HTR4: variants seen among roughly 807,000 people sequenced by gnomAD.
HTR4 encodes the protein 5-hydroxytryptamine (serotonin) receptor 4, G protein-coupled.
Under a neutral mutation model 36.8 loss-of-function variants are expected in HTR4, and 16 were observed. That is an observed-to-expected ratio of 0.43 (90% CI 0.29 to 0.66). The LOEUF is 0.66. Among genes scored for constraint, HTR4 ranks in the 30% least tolerant of loss-of-function variants. HTR4 has a pLI of 0.13. For missense variants in HTR4, 438 were observed against 490.9 expected, an observed-to-expected ratio of 0.89 and a Z score of 1.02; for synonymous variants, 189 against 185.1, an observed-to-expected ratio of 1.02 and a Z score of -0.17.
chr5:148,550,974 A>AG, intron 2 of HTR4, among the ~76,000 whole-genome samples: 1 of 152,246 alleles, frequency 6.6e-6, no homozygotes, highest in East Asian at 1.9e-4. Flanking sequence ...CCCCCAGCTC[A>AG]GGGGGACAGA....
At chr5:148,497,240 T>G (rs1317315246) in intron 6 of HTR4, among the ~76,000 whole-genome samples, 1 of 152,142 alleles carries the variant, frequency 6.6e-6, no homozygotes, top group East Asian at 1.9e-4. Flanking sequence ...CAAGCTGGAG[T>G]GGAGTGCAGT....
At chr5:148,506,701 C>A (rs1294439523) in intron 6 of HTR4, among the ~76,000 whole-genome samples, 5 of 151,316 alleles carry the variant, frequency 3.3e-5, no homozygotes, top group African/African-American at 4.9e-5. Context: ...ACCCCATCAA[C>A]AAGTGGGTGA....
intron 2 of HTR4, among the ~76,000 whole-genome samples, chr5:148,551,761 GC>G: frequency 6.6e-6 from 1 of 152,146 alleles, no homozygotes; most frequent in Admixed American, 6.5e-5. Context: ...AAAACAAATT[GC>G]AAAAAAATCT....
chr5:148,539,299 C>G (rs1758991013), intron 4 of HTR4, among the ~76,000 whole-genome samples: 2 of 152,116 alleles, frequency 1.3e-5, no homozygotes, highest in South Asian at 4.1e-4. Context: ...TAATACCATC[C>G]TGGACATAGG....
chr5:148,470,059 A>T (rs972536907), intron 5 of HTR4, among the ~76,000 whole-genome samples: 1 of 152,184 alleles, frequency 6.6e-6, no homozygotes, highest in Non-Finnish European at 1.5e-5. Context: ...GGTGATGGTG[A>T]TGGTGATGAC....
intron 5 of HTR4, among the ~76,000 whole-genome samples, chr5:148,463,467 A>C (rs565294423): frequency 6.6e-6 from 1 of 152,110 alleles, no homozygotes; most frequent in Non-Finnish European, 1.5e-5. Context: ...GGCATGAGCC[A>C]CCACACCTGG....
chr5:148,607,285 A>G (rs1044881979), intron 2 of HTR4, among the ~76,000 whole-genome samples: 11 of 152,148 alleles, frequency 7.2e-5, no homozygotes, highest in African/African-American at 2.7e-4. Flanking sequence ...TTAGGGGGGA[A>G]AAATGTAGTG....
intron 1 of HTR4, among the ~76,000 whole-genome samples, chr5:148,642,309 C>A (rs1279120533): frequency 6.6e-6 from 1 of 152,158 alleles, no homozygotes; most frequent in East Asian, 1.9e-4. Context: ...TATTCTTAAG[C>A]AAGTCTATTC....
chr5:148,654,132 C>T lies in HTR4; in HGVS notation c.-118G>A, dbSNP rs1754124499. 1.0e-6 allele frequency: 1 copy of T among 985,618 alleles called. No homozygotes were observed. The highest frequency in any genetic ancestry group is 4.7e-5 in the South Asian group (1 of 21,460). 61.1% of individuals were successfully genotyped at this position (985,618 alleles called of 1,614,324 possible). A position where few individuals can be genotyped will look rare whatever the true frequency, so the allele number is the denominator to read the frequency against. ...GGCCACCCCCAGCCGCTGAGCCGAG[C>T]TTCTGCTGCCGCCGCTGCCGCTGCG... On this transcript the variant is annotated 5_prime_UTR_variant, in exon 1 of 7. Transcript: ENST00000377888.
chr5:148,540,710 G>A (rs1759079516), intron 4 of HTR4, among the ~76,000 whole-genome samples: 1 of 151,960 alleles, frequency 6.6e-6, no homozygotes, highest in Non-Finnish European at 1.5e-5. Context: ...AAGATGCTGA[G>A]CAGACAGAGA....
At chr5:148,505,484 A>C (rs1438094423) in intron 6 of HTR4, among the ~76,000 whole-genome samples, 1 of 152,186 alleles carries the variant, frequency 6.6e-6, no homozygotes. Context: ...GCCCTCTCTC[A>C]CCACTCCTAT....
intron 5 of HTR4, among the ~76,000 whole-genome samples, chr5:148,454,492 A>AATG (rs1755050418): frequency 6.6e-6 from 1 of 152,116 alleles, no homozygotes; most frequent in Non-Finnish European, 1.5e-5. Context: ...TGATAATGAT[A>AATG]ATGATGATGA....
intron 5 of HTR4, among the ~76,000 whole-genome samples, chr5:148,458,100 A>G (rs1306523326): frequency 3.7e-5 from 2 of 53,496 alleles, no homozygotes; most frequent in Admixed American, 3.3e-4. Flanking sequence ...TTATATTTTA[A>G]TATCTATTAA....
At chr5:148,578,067 C>T (rs61660842) in intron 2 of HTR4, among the ~76,000 whole-genome samples, 48,238 of 151,672 alleles carry the variant, frequency 0.32, 11,163 homozygotes, top group African/African-American at 0.65. Context: ...ATAAAATATA[C>T]TAAATATCAT....
intron 5 of HTR4, among the ~76,000 whole-genome samples, chr5:148,467,571 T>C (rs1446126580): frequency 6.6e-6 from 1 of 152,222 alleles, no homozygotes; most frequent in East Asian, 1.9e-4. Flanking sequence ...TTAAAAATGA[T>C]AAATGTGATT....
intron 4 of HTR4, among the ~76,000 whole-genome samples, chr5:148,546,934 C>A (rs1178575979): frequency 2.0e-5 from 3 of 152,194 alleles, no homozygotes; most frequent in Admixed American, 6.5e-5. Context: ...CTAATAAACA[C>A]AAATTTCCAA....
Position 148,509,884 on chromosome 5 carries a change from A to T in HTR4, c.648T>A (p.Tyr216Ter). The change falls in exon 6 of 7, where the codon TAT (tyrosine) becomes TAA (stop). Residue 216 changes from tyrosine to a stop codon, truncating the protein, a stop_gained. Transcript: ENST00000377888. LOFTEE classifies it high-confidence loss of function. ...LLMVLAYYRI[Y>*]VTAKEHAHQI... ...GATGGGCATGCTCCTTAGCTGTGAC[A>T]TAGATGCGGTAATAGGCCAGCACCA... is the stretch of plus-strand genomic sequence containing the variant. The T allele has an allele frequency of 6.2e-7, 1 of 1,614,060 alleles. No homozygotes were observed. Among genetic ancestry groups the T allele is most frequent in the East Asian group, 2.2e-5 (1 of 44,838 alleles).
intron 5 of HTR4, among the ~76,000 whole-genome samples, chr5:148,461,661 A>G (rs1398690349): frequency 6.6e-6 from 1 of 152,036 alleles, no homozygotes; most frequent in Non-Finnish European, 1.5e-5. Flanking sequence ...TAAATTCACG[A>G]TTATAGCTGC....
intron 2 of HTR4, among the ~76,000 whole-genome samples, chr5:148,572,699 C>A (rs541518835): frequency 6.6e-6 from 1 of 152,204 alleles, no homozygotes; most frequent in South Asian, 2.1e-4. Context: ...ATATCTCATT[C>A]TTAAACCATC....
Sources: gnomAD v4.1 joint callset for allele counts (sites outside exome capture counted in the v4.1 genomes callset) on GRCh38, gnomAD v4.1.1 for gene constraint, MANE v1.5 for transcripts, NCBI Gene and HGNC (gene_info 2026-07-23, HGNC 2026-07-21) for gene names.